The following ADARB1 variants were observed in gnomAD, a reference collection of about 807,000 sequenced individuals.
The protein encoded by ADARB1 is double-stranded RNA-specific editase 1.
A neutral mutation model predicts 52.4 loss-of-function variants in ADARB1; 10 were observed. That is an observed-to-expected ratio of 0.19 (90% CI 0.12 to 0.32). The LOEUF is 0.32. Ranked by LOEUF, ADARB1 falls within the 10% of genes least tolerant of loss-of-function variation. The pLI is 1.00. For synonymous variants in ADARB1, 349 were observed against 371.1 expected (o/e 0.94, Z 0.68); for missense variants, 643 against 922.3 (o/e 0.70, Z 3.92).
At chr21:45,077,833 A>G (rs2123602532) in intron 1 of ADARB1, among the ~76,000 whole-genome samples, 1 of 152,286 alleles carries the variant, frequency 6.6e-6, no homozygotes, top group South Asian at 2.1e-4. Flanking sequence ...AAATGGGAAA[A>G]TTAAAAATTG....
At chr21:45,129,623 GCTCCC>G in intron 2 of ADARB1, among the ~76,000 whole-genome samples, 1 of 152,230 alleles carries the variant, frequency 6.6e-6, no homozygotes, top group South Asian at 2.1e-4. Context: ...ACACAGCCGT[GCTCCC>G]GCCTGGGAGT....
rs150941462 is a variant in ADARB1, at chr21:45,095,046, G to A, written c.-220+20253G>A. Among the ~76,000 whole-genome samples, 1,001 of 152,298 alleles carry A rather than the reference G, an allele frequency of 6.6e-3. 4 individuals carry two copies. Among genetic ancestry groups the A allele is most frequent in the Non-Finnish European group, 0.011 (747 of 68,032 alleles). The stretch of plus-strand genomic sequence containing the variant: ...TTGGCCTTCCATCCCTCTGAAATGG[G>A]TCTTGCTAGTCACTAATGATCTGTC... On this transcript the variant is annotated intron_variant, in intron 1 of 10. Transcript: ENST00000348831.
At chr21:45,122,415 T>C (rs1185931172) in intron 1 of ADARB1, among the ~76,000 whole-genome samples, 2 of 152,234 alleles carry the variant, frequency 1.3e-5, no homozygotes, top group Non-Finnish European at 2.9e-5. Context: ...GGTCCCTCTT[T>C]TCATAGCATT....
chr21:45,182,561 A>G (rs2091966110), intron 5 of ADARB1, 24 bp from the exon 6 acceptor site: 2 of 1,570,522 alleles, frequency 1.3e-6, no homozygotes, highest in Non-Finnish European at 8.6e-7. Flanking sequence ...TACAGAAAAT[A>G]GTGTCTCTTT....
chr21:45,093,518 C>T (rs2086640336), intron 1 of ADARB1, among the ~76,000 whole-genome samples: 1 of 152,206 alleles, frequency 6.6e-6, no homozygotes, highest in Non-Finnish European at 1.5e-5. Flanking sequence ...GGTTTTTCTG[C>T]CGCCTCTTGC....
chr21:45,086,787 G>A (rs760656361), intron 1 of ADARB1, among the ~76,000 whole-genome samples: 40 of 152,206 alleles, frequency 2.6e-4, no homozygotes, highest in Non-Finnish European at 4.3e-4. Context: ...AAGCATGTCT[G>A]CGTGTGGATG....
In ADARB1 at chr21:45,204,072, G is replaced by A. The variant is rs1255435669; in HGVS notation, c.1566-483G>A. On this transcript the variant is annotated intron_variant, in intron 8 of 10. Transcript: ENST00000348831. This position sits in a 1 kb window ranked among gnomAD's most constrained non-coding sequence, Gnocchi z 4.4. ...GGCCAGCGGCATCTGCAACGTGGAT[G>A]GTTCACATCCCGGGCTGGACAGCAC... Among the ~76,000 whole-genome samples the A allele has an allele frequency of 6.6e-6, 1 of 152,172 alleles. No homozygotes were observed. Among genetic ancestry groups the A allele is most frequent in the Non-Finnish European group, 1.5e-5 (1 of 68,028 alleles).
chr21:45,107,072 TATTC>T (rs942409297), intron 1 of ADARB1, among the ~76,000 whole-genome samples: 1 of 152,240 alleles, frequency 6.6e-6, no homozygotes, highest in Admixed American at 6.5e-5. Context: ...ACGTCAATGT[TATTC>T]ATATATACAA....
chr21:45,163,721 C>T (rs1446207786), intron 2 of ADARB1, among the ~76,000 whole-genome samples: 1 of 152,180 alleles, frequency 6.6e-6, no homozygotes, highest in Non-Finnish European at 1.5e-5. Context: ...CTATGGGAGT[C>T]GGGTGTGGAC....
chr21:45,167,471 G>T (rs756072097), intron 2 of ADARB1, among the ~76,000 whole-genome samples: 2 of 152,140 alleles, frequency 1.3e-5, no homozygotes, highest in Non-Finnish European at 2.9e-5. Flanking sequence ...TATTTTGAAG[G>T]CTGGGTGCGG....
At chr21:45,178,880 G>C (rs116244229) in intron 4 of ADARB1, among the ~76,000 whole-genome samples, 1 of 152,118 alleles carries the variant, frequency 6.6e-6, no homozygotes, top group Admixed American at 6.5e-5. Flanking sequence ...AGATGTCTGC[G>C]TTAACAAGCA....
intron 2 of ADARB1, among the ~76,000 whole-genome samples, chr21:45,146,902 T>G (rs547775227): frequency 4.8e-4 from 73 of 152,322 alleles, no homozygotes; most frequent in Non-Finnish European, 5.6e-4. Flanking sequence ...AAATTCTGGC[T>G]TCTTCTCCAG....
intron 8 of ADARB1, among the ~76,000 whole-genome samples, chr21:45,186,151 T>C (rs2092097999): frequency 6.6e-6 from 1 of 152,154 alleles, no homozygotes; most frequent in Non-Finnish European, 1.5e-5. Flanking sequence ...ACAATAGAAT[T>C]ATTTGGAGTA....
chr21:45,185,658 C>T (rs2092079274), intron 8 of ADARB1, among the ~76,000 whole-genome samples: 1 of 152,122 alleles, frequency 6.6e-6, no homozygotes, highest in Non-Finnish European at 1.5e-5. Context: ...CTTTCAGAGG[C>T]CTGTATCCAG....
intron 9 of ADARB1, among the ~76,000 whole-genome samples, chr21:45,214,511 G>A (rs1231971688): frequency 3.3e-5 from 5 of 152,168 alleles, no homozygotes; most frequent in Admixed American, 1.3e-4. Context: ...TACAGTTGCA[G>A]TTTTTACATT....
intron 9 of ADARB1, among the ~76,000 whole-genome samples, chr21:45,215,492 G>A (rs1472933169): frequency 6.6e-6 from 1 of 151,966 alleles, no homozygotes; most frequent in Non-Finnish European, 1.5e-5. Context: ...TGTCATTGCA[G>A]TGACTTAGGC....
At chr21:45,153,743 G>T (rs897059962) in intron 2 of ADARB1, among the ~76,000 whole-genome samples, 15 of 152,194 alleles carry the variant, frequency 9.9e-5, no homozygotes, top group African/African-American at 3.6e-4. Context: ...GCACCGTGCT[G>T]CCAGGTGCTT....
intron 1 of ADARB1, among the ~76,000 whole-genome samples, chr21:45,096,871 C>G (rs2123709949): frequency 6.6e-6 from 1 of 152,350 alleles, no homozygotes; most frequent in East Asian, 1.9e-4. Context: ...TCCTGAGTAG[C>G]TGGAACCACA....
At chr21:45,189,630 G>A (rs1409305364) in intron 8 of ADARB1, among the ~76,000 whole-genome samples, 1 of 152,016 alleles carries the variant, frequency 6.6e-6, no homozygotes, top group African/African-American at 2.4e-5. Context: ...CAGGCTAGTG[G>A]TAATGTACTC....
Sources: allele counts gnomAD v4.1 joint callset (sites outside exome capture counted in the v4.1 genomes callset), GRCh38; gene constraint gnomAD v4.1.1; non-coding constraint Gnocchi (gnomAD v3.1); transcripts MANE v1.5; gene names NCBI Gene and HGNC (gene_info 2026-07-23, HGNC 2026-07-21).